The following RBBP7 variants were observed in gnomAD, a reference collection of about 807,000 sequenced individuals.
The protein encoded by RBBP7 is histone-binding protein RBBP7.
In RBBP7, 5 loss-of-function variants were observed where a neutral mutation model predicts 35.2. That is an observed-to-expected ratio of 0.14 (90% CI 0.07 to 0.30). The LOEUF (loss-of-function observed/expected upper bound fraction) is 0.30. Among genes scored for constraint, RBBP7 ranks in the 10% least tolerant of loss-of-function variants. RBBP7 has a pLI of 1.00. For missense variants in RBBP7, 155 were observed against 327.5 expected (o/e 0.47, Z 4.07); for synonymous variants, 140 against 118.7 (o/e 1.18, Z -1.17).
chrX:16,865,366 T>C (rs188730620), intron 2 of RBBP7, among the ~76,000 whole-genome samples: 14 of 111,372 alleles, frequency 1.3e-4, no homozygotes, highest in African/African-American at 2.9e-4. Context: ...TTTTGTGGAG[T>C]TGAGCAGGAA....
At chrX:16,868,298 G>C (rs1371049281) in intron 2 of RBBP7, among the ~76,000 whole-genome samples, 1 of 112,110 alleles carries the variant, frequency 8.9e-6, no homozygotes, top group Non-Finnish European at 1.9e-5. Flanking sequence ...ACTAGAAAAG[G>C]TGCAAGTGAA....
Position 16,870,295 on chromosome X carries a change from A to G in RBBP7, c.-242T>C. 1 of 303,769 alleles carries G rather than the reference A, an allele frequency of 3.3e-6. No individual in the cohort carries two copies. Among genetic ancestry groups the G allele is most frequent in the Non-Finnish European group, 4.7e-6 (1 of 211,679 alleles). 25.0% of individuals were successfully genotyped at this position (303,769 alleles called of 1,213,427 possible). On this transcript the variant is annotated 5_prime_UTR_variant, in exon 1 of 12. Transcript: ENST00000380087. Reference sequence around the variant, plus strand: ...TCTCTCTCTCCAAACTTGGAACGAGACTTTTCAACCCGCGCCTCCCAGCCC... The same window carrying G: ...TCTCTCTCTCCAAACTTGGAACGAGGCTTTTCAACCCGCGCCTCCCAGCCC...
At chrX:16,857,552 G>C (rs1476729937) in intron 5 of RBBP7, 42 bp downstream of exon 5, 2 of 1,207,126 alleles carry the variant, frequency 1.7e-6, no homozygotes, top group Admixed American at 4.4e-5. Context: ...TGACACGTCA[G>C]CTCTCACTAT....
rs1401273416 is a variant in RBBP7, at chrX:16,866,567, AAAGC to A, written c.161+2505_161+2508del. On this transcript the variant is annotated intron_variant, in intron 2 of 11. Transcript: ENST00000380087. ...AAAAAAAAAAAAAAAAGAAAGAAAG[AAAGC>A]AAGAAAGCAAGAAAGCAAGCCAGCC... Among the ~76,000 whole-genome samples the A allele has an allele frequency of 4.7e-3, 448 of 95,686 alleles. 3 individuals are homozygous for A. The highest frequency in any genetic ancestry group is 0.036 in the South Asian group (70 of 1,933). The allele number at this position is 95,686 out of a possible 115,157, so 83.1% of individuals were successfully genotyped here.
intron 2 of RBBP7, among the ~76,000 whole-genome samples, chrX:16,864,619 A>AAATT (rs1181128053): frequency 9.1e-6 from 1 of 110,277 alleles, no homozygotes; most frequent in African/African-American, 3.3e-5. Context: ...GGCTATCAAA[A>AAATT]AATTAATTAA....
intron 2 of RBBP7, among the ~76,000 whole-genome samples, chrX:16,865,478 T>C (rs1424876564): frequency 8.9e-6 from 1 of 111,860 alleles, no homozygotes; most frequent in Non-Finnish European, 1.9e-5. Flanking sequence ...TAAAAATCCC[T>C]CTGGACTCAA....
intron 1 of RBBP7, 186 bp downstream of exon 1, chrX:16,869,829 GGCCCCGCGCCCGGCTCCGGAAGT>G (rs1930732778): frequency 7.6e-5 from 68 of 890,125 alleles, no homozygotes; most frequent in Non-Finnish European, 8.9e-5. Context: ...CCCAGCCCTC[GGCCCCGCGCCCGGCTCCGGAAGT>G]GCTCGGAGCC....
In RBBP7 at chrX:16,852,734, C is replaced by T. The variant is rs765919525; in HGVS notation, c.885+15G>A. On this transcript the variant is annotated intron_variant, in intron 7 of 11. Coordinates refer to ENST00000380087, the MANE Select transcript of RBBP7 (RefSeq NM_002893.4). ...TGGGTTTTATAAACACCAAATAATG[C>T]AAAAACTTCGAAACCTTATCCGCAG... 8.3e-7 allele frequency: 1 copy of T among 1,211,927 alleles called. No individual in the cohort carries two copies. Among genetic ancestry groups the T allele is most frequent in the Admixed American group, 2.2e-5 (1 of 46,072 alleles).
At chrX:16,861,237 C>T (rs1930471007) in intron 3 of RBBP7, among the ~76,000 whole-genome samples, 1 of 112,313 alleles carries the variant, frequency 8.9e-6, no homozygotes. Flanking sequence ...ATACAGTTGT[C>T]GGGGAATGAA....
Position 16,849,025 on chromosome X carries a change from C to T in RBBP7, c.1098+219G>A, listed in dbSNP as rs1198313713. ...AATTACTATATACTATTTTCCAGGA[C>T]CTCAAACCATTCTCAGTGAAACATT... On this transcript the variant is annotated intron_variant, in intron 10 of 11. Coordinates refer to ENST00000380087, the MANE Select transcript of RBBP7 (RefSeq NM_002893.4). 6 of 337,471 alleles carry T rather than the reference C, an allele frequency of 1.8e-5. No individual in the cohort carries two copies. The Admixed American group carries it at 2.2e-4, about 12-fold the overall frequency. 27.8% of individuals were successfully genotyped at this position (337,471 alleles called of 1,213,427 possible).
intron 8 of RBBP7, 125 bp from the exon 9 acceptor site, chrX:16,852,247 ACT>A: frequency 3.1e-6 from 2 of 649,560 alleles, no homozygotes; most frequent in Non-Finnish European, 4.9e-6. Flanking sequence ...TGATGGCCTC[ACT>A]CTCTTGTCCC....
chrX:16,853,208 C>T (rs1206018933), intron 6 of RBBP7: 1 of 222,465 alleles, frequency 4.5e-6, no homozygotes, highest in Non-Finnish European at 8.1e-6. Flanking sequence ...TATTTTGTCA[C>T]ATTTGCCTCA....
chrX:16,849,491 GC>G (rs1215720596), intron 9 of RBBP7, among the ~76,000 whole-genome samples, 190 bp from the exon 10 acceptor site: 1 of 110,513 alleles, frequency 9.0e-6, no homozygotes, highest in Non-Finnish European at 1.9e-5. Flanking sequence ...TTCCCAGGCT[GC>G]AGTCAGTAGC....
Position 16,870,117 on chromosome X carries a change from C to A in RBBP7, c.-64G>T. 9.6e-7 allele frequency: 1 copy of A among 1,046,280 alleles called. No homozygotes were observed. Among genetic ancestry groups the A allele is most frequent in the Non-Finnish European group, 1.2e-6 (1 of 807,419 alleles). The allele number at this position is 1,046,280 out of a possible 1,213,427, so 86.2% of individuals were successfully genotyped here. A position where few individuals can be genotyped will look rare whatever the true frequency, so the allele number is the denominator to read the frequency against. On this transcript the variant is annotated 5_prime_UTR_variant, in exon 1 of 12. Transcript: ENST00000380087. ...CTCCTCTCGTTAGCCAAGAGCAGCC[C>A]GACCGCTGGCGCTCCTGCCTTTCCC...
chrX:16,861,161 G>A (rs986238946), intron 3 of RBBP7, among the ~76,000 whole-genome samples: 6 of 112,109 alleles, frequency 5.4e-5, no homozygotes, highest in Non-Finnish European at 5.6e-5. Flanking sequence ...GCGACTGAGC[G>A]AGACCCTGCC....
intron 6 of RBBP7, chrX:16,853,197 G>A: frequency 4.3e-6 from 1 of 232,765 alleles, no homozygotes; most frequent in Admixed American, 6.2e-5. Context: ...CAAATGCCCA[G>A]TATTTTGTCA....
chrX:16,851,085 C>T (rs867973465), intron 9 of RBBP7, among the ~76,000 whole-genome samples: 1 of 105,108 alleles, frequency 9.5e-6, no homozygotes, highest in Middle Eastern at 4.8e-3. Context: ...GATTGCGCCA[C>T]TGCACTCCAG....
intron 11 of RBBP7, 30 bp from the exon 12 acceptor site, chrX:16,845,133 A>G: frequency 9.5e-7 from 1 of 1,048,176 alleles, no homozygotes; most frequent in South Asian, 1.9e-5. Context: ...TTCACAGGTA[A>G]AAACTCCCTA....
intron 2 of RBBP7, among the ~76,000 whole-genome samples, chrX:16,868,344 G>C (rs1175893594): frequency 8.9e-6 from 1 of 112,359 alleles, no homozygotes; most frequent in Admixed American, 9.4e-5. Flanking sequence ...CCAGCTGTGT[G>C]ATCTTGGGAT....
Sources: gnomAD v4.1 joint callset for allele counts (sites outside exome capture counted in the v4.1 genomes callset) on GRCh38, gnomAD v4.1.1 for gene constraint, MANE v1.5 for transcripts, NCBI Gene and HGNC (gene_info 2026-07-23, HGNC 2026-07-21) for gene names.